The following OTUB1 variants were observed in gnomAD, a reference collection of about 807,000 sequenced individuals.
OTUB1 encodes OTU deubiquitinase, ubiquitin aldehyde binding 1, also known as ubiquitin thioesterase OTUB1.
Under a neutral mutation model 35.8 loss-of-function variants are expected in OTUB1, and 10 were observed. The ratio of observed to expected loss-of-function variants is 0.28; its 90% confidence interval spans 0.17 to 0.47. OTUB1 has a LOEUF of 0.47. Among genes scored for constraint, OTUB1 ranks in the 20% least tolerant of loss-of-function variants. The pLI is 0.99. For synonymous variants in OTUB1, 158 were observed against 143.8 expected, an observed-to-expected ratio of 1.10 and a Z score of -0.71; for missense variants, 264 against 351.6, an observed-to-expected ratio of 0.75 and a Z score of 1.99.
chr11:63,989,945 G>A (rs1942655588), intron 3 of OTUB1: 2 of 151,972 alleles, frequency 1.3e-5, no homozygotes, highest in South Asian at 4.2e-4. Context: ...AACCCGGGAG[G>A]CGGAGGTTGC....
At chr11:63,993,573 A>C (rs1272011453) in intron 3 of OTUB1, among the ~76,000 whole-genome samples, 1 of 151,564 alleles carries the variant, frequency 6.6e-6, no homozygotes, top group African/African-American at 2.4e-5. Context: ...CTGAGACAGG[A>C]GAATTGCTTG....
chr11:63,997,405 G>T lies in OTUB1; in HGVS notation c.675G>T (p.Gln225His). 1 of 1,614,084 alleles carries T rather than the reference G, an allele frequency of 6.2e-7. No homozygotes were observed. Residue 225 changes from glutamine to histidine, a missense_variant, in exon 7 of 7, where the codon CAG becomes CAT. By Grantham distance (24) the Gln-to-His change is conservative. Around this residue, in one of 2 missense-constraint regions of OTUB1, gnomAD observed 214 missense variants for 317.1 expected, o/e 0.67. Transcript: ENST00000538426. ...ACATCCACATCATTGCGCTGGCCCA[G>T]GCCCTCAGCGTGTCCATCCAGGTGG... ...SDHIHIIALA[Q>H]ALSVSIQVEY...
At chr11:63,996,776 G>GC (rs774658926) in intron 4 of OTUB1, 81 bp from the exon 5 acceptor site, 1 of 1,609,532 alleles carries the variant, frequency 6.2e-7, no homozygotes, top group South Asian at 1.1e-5. Flanking sequence ...GCCTTGCCAG[G>GC]CGGGGCAGTG....
intron 3 of OTUB1, among the ~76,000 whole-genome samples, chr11:63,992,484 C>T (rs1012100350): frequency 4.0e-5 from 6 of 149,162 alleles, no homozygotes; most frequent in African/African-American, 9.7e-5. Context: ...GGTGTTGTGG[C>T]GAGAGAAAGG....
chr11:63,989,422 T>C (rs2129467), intron 3 of OTUB1: 42,672 of 150,562 alleles, frequency 0.28, 7,621 homozygotes, highest in Non-Finnish European at 0.4. Context: ...CATCTATAAA[T>C]AGGGACAATA....
At chr11:63,992,000 C>G (rs1265608652) in intron 3 of OTUB1, among the ~76,000 whole-genome samples, 1 of 152,068 alleles carries the variant, frequency 6.6e-6, no homozygotes, top group Non-Finnish European at 1.5e-5. Context: ...GGTGGATCAC[C>G]TGAGGTCAGG....
Position 63,997,497 on chromosome 11 carries a change from A to G in OTUB1, c.767A>G (p.Lys256Arg). 6.2e-7 allele frequency: 1 copy of G among 1,614,136 alleles called. No individual in the cohort carries two copies. Among genetic ancestry groups the G allele is most frequent in the Non-Finnish European group, 8.5e-7 (1 of 1,180,022 alleles). ...PHIFPEGSEP[K>R]VYLLYRPGHY... ...ATCTTCCCTGAGGGCTCCGAGCCCA[A>G]GGTCTACCTTCTCTACCGGCCTGGA... Residue 256 changes from lysine (K) to arginine (R), a missense_variant, in exon 7 of 7, where the codon AAG (lysine) becomes AGG (arginine). Transcript: ENST00000538426.
rs3802939 is a variant in OTUB1, at chr11:63,997,998, C to T, written c.*452C>T. The stretch of plus-strand genomic sequence containing the variant: ...CCTCATAGGCCCCACCTCCACGTCC[C>T]GGCTGGGCCCCAGACCCCAGCTTCC... On this transcript the variant is annotated 3_prime_UTR_variant, in exon 7 of 7. Transcript: ENST00000538426. 159 of 546,964 alleles carry T rather than the reference C, an allele frequency of 2.9e-4. No homozygotes were observed. In the East Asian group the frequency reaches 3.1e-3, roughly 11 times the overall value. The allele number at this position is 546,964 out of a possible 1,614,324, so 33.9% of individuals were successfully genotyped here.
At chr11:63,990,489 T>A (rs1033504076) in intron 3 of OTUB1, 1 of 151,604 alleles carries the variant, frequency 6.6e-6, no homozygotes, top group Non-Finnish European at 1.5e-5. Context: ...TCCCAGCTAC[T>A]CAAGAGGCTG....
Position 63,996,910 on chromosome 11 carries a change from C to T in OTUB1, c.392C>T (p.Thr131Ile). 6.2e-7 allele frequency: 1 copy of T among 1,614,118 alleles called. No individual in the cohort carries two copies. The highest frequency in any genetic ancestry group is 8.5e-7 in the Non-Finnish European group (1 of 1,179,972). Reference protein sequence around the residue: ...SKEDLVSQGFTEFTIEDFHNT... With the variant: ...SKEDLVSQGFIEFTIEDFHNT... ...GAAGACCTGGTGTCCCAGGGCTTCACTGAATTCACAATTGAGGATTTCCAC... is the reference window on the plus strand; with the variant it reads ...GAAGACCTGGTGTCCCAGGGCTTCATTGAATTCACAATTGAGGATTTCCAC... The change falls in exon 5 of 7, where the codon ACT becomes ATT. Residue 131 changes from threonine to isoleucine, a missense_variant. By Grantham distance (89) the Thr-to-Ile change is moderately conservative. This residue lies in a region of OTUB1 where 214 missense variants were observed against 317.1 expected (regional missense o/e 0.67). Transcript: ENST00000538426.
At chr11:63,997,306 G>A in intron 6 of OTUB1, 43 bp from the exon 7 acceptor site, 1 of 1,612,180 alleles carries the variant, frequency 6.2e-7, no homozygotes, top group South Asian at 1.1e-5. Context: ...AGGGCCTGGG[G>A]CGGGGTGCGG....
At position 63,996,893 on chromosome 11, in the gene OTUB1, G is replaced by C; in HGVS notation, c.375G>C (p.Leu125=). 6.2e-7 allele frequency: 1 copy of C among 1,614,140 alleles called. No individual in the cohort carries two copies. Among genetic ancestry groups the C allele is most frequent in the Non-Finnish European group, 8.5e-7 (1 of 1,179,970 alleles). ...KAVSAKSKED[L]VSQGFTEFTI... ...TGTCTGCCAAGAGCAAGGAAGACCT[G>C]GTGTCCCAGGGCTTCACTGAATTCA... Residue 125 remains leucine (L), a synonymous_variant, in exon 5 of 7, where the codon CTG becomes CTC. Transcript: ENST00000538426.
chr11:63,988,575 C>T (rs1942641533), intron 2 of OTUB1, 79 bp from the exon 3 acceptor site: 1 of 1,306,552 alleles, frequency 7.7e-7, no homozygotes, highest in South Asian at 1.2e-5. Context: ...CAGCCCAGCT[C>T]TTTTGTAGTT....
chr11:63,997,835 A>G lies in OTUB1; in HGVS notation c.*289A>G, dbSNP rs1267942582. On this transcript the variant is annotated 3_prime_UTR_variant, in exon 7 of 7. Coordinates refer to ENST00000538426, the MANE Select transcript of OTUB1 (RefSeq NM_017670.3). ...CCAACAGGAGCAGGTTTGAGGGGCCAGGCCTCTTGGAGGCCCCTCCTGCTT... is the reference window on the plus strand; with the variant it reads ...CCAACAGGAGCAGGTTTGAGGGGCCGGGCCTCTTGGAGGCCCCTCCTGCTT... The G allele has an allele frequency of 1.4e-6, 1 of 691,224 alleles. No individual in the cohort carries two copies. Among genetic ancestry groups the G allele is most frequent in the African/African-American group, 1.8e-5 (1 of 56,878 alleles). 42.8% of individuals were successfully genotyped at this position (691,224 alleles called of 1,614,324 possible).
chr11:63,997,764 C>G lies in OTUB1; in HGVS notation c.*218C>G. 2.8e-6 allele frequency: 2 copies of G among 701,762 alleles called. No homozygotes were observed. Among genetic ancestry groups the G allele is most frequent in the South Asian group, 1.5e-5 (1 of 67,560 alleles). The allele number at this position is 701,762 out of a possible 1,614,324, so 43.5% of individuals were successfully genotyped here. A position where few individuals can be genotyped will look rare whatever the true frequency, so the allele number is the denominator to read the frequency against. ...GCTGCTCTGTCTGCTGCCCCCTCCC[C>G]CCAGGTGGGTCCCCCTGCTTTTCAC... On this transcript the variant is annotated 3_prime_UTR_variant, in exon 7 of 7. Coordinates refer to ENST00000538426, the MANE Select transcript of OTUB1 (RefSeq NM_017670.3).
intron 3 of OTUB1, among the ~76,000 whole-genome samples, chr11:63,995,681 G>A (rs922834383): frequency 4.6e-5 from 7 of 152,124 alleles, no homozygotes; most frequent in Non-Finnish European, 1.0e-4. Context: ...GGAGTGGAGA[G>A]GCAGCTTAGG....
At chr11:63,996,427 T>G in intron 3 of OTUB1, 103 bp from the exon 4 acceptor site, 1 of 1,294,530 alleles carries the variant, frequency 7.7e-7, no homozygotes, top group Non-Finnish European at 1.1e-6. Flanking sequence ...TGCTGGGAGC[T>G]CAGTTGCCAC....
chr11:63,986,532 G>C lies in OTUB1; in HGVS notation c.58+18G>C. 2 of 1,539,056 alleles carry C rather than the reference G, an allele frequency of 1.3e-6. No homozygotes were observed. The highest frequency in any genetic ancestry group is 1.8e-6 in the Non-Finnish European group (2 of 1,138,896). ...CTCCGAAGGTACAGATCCAAGGAGGGATGTCCGGCCCGGGCTAGTGGGGGC... is the reference window on the plus strand; with the variant it reads ...CTCCGAAGGTACAGATCCAAGGAGGCATGTCCGGCCCGGGCTAGTGGGGGC... On this transcript the variant is annotated intron_variant, in intron 1 of 6. Coordinates refer to ENST00000538426, the MANE Select transcript of OTUB1 (RefSeq NM_017670.3).
intron 2 of OTUB1, 75 bp downstream of exon 2, chr11:63,988,473 C>CCTAT: frequency 7.0e-7 from 1 of 1,429,152 alleles, no homozygotes; most frequent in South Asian, 1.2e-5. Flanking sequence ...GGGCATGAGG[C>CCTAT]CTATTGTCTG....
Sources: gnomAD v4.1 joint callset for allele counts (sites outside exome capture counted in the v4.1 genomes callset) on GRCh38, gnomAD v4.1.1 for gene constraint, gnomAD v4.1.1 regional missense constraint, MANE v1.5 for transcripts, NCBI Gene and HGNC (gene_info 2026-07-23, HGNC 2026-07-21) for gene names.